BSPRY: variants seen among roughly 807,000 people sequenced by gnomAD.
BSPRY encodes the protein B-box and SPRY domain containing, also known as B box and SPRY domain-containing protein.
In BSPRY, 33 loss-of-function variants were observed where a neutral mutation model predicts 38.0. That is an observed-to-expected ratio of 0.87 (90% CI 0.66 to 1.16). The LOEUF is 1.16. Among genes scored for constraint, BSPRY ranks in the 50% most tolerant of loss-of-function variants. BSPRY has a pLI of 0.00. For missense variants in BSPRY, 523 were observed against 533.2 expected, an observed-to-expected ratio of 0.98 and a Z score of 0.19; for synonymous variants, 224 against 228.5, an observed-to-expected ratio of 0.98 and a Z score of 0.18.
chr9:113,369,656 C>A lies in BSPRY; in HGVS notation c.723C>A (p.Pro241=), dbSNP rs745687294. Residue 241 remains proline, a synonymous_variant, in exon 6 of 6, where the codon CCC becomes CCA. Transcript: ENST00000374183. Reference sequence around the variant, plus strand: ...GGATCGATGAGAGGACAGTCAGCCCCTTCCTGCAATTGTCAGATGATCGAA... The same window carrying A: ...GGATCGATGAGAGGACAGTCAGCCCATTCCTGCAATTGTCAGATGATCGAA... ...DIRIDERTVS[P]FLQLSDDRKT... is the part of the protein sequence containing the mutation. 5.1e-5 allele frequency: 83 copies of A among 1,614,040 alleles called. No homozygotes were observed. Among genetic ancestry groups the A allele is most frequent in the Non-Finnish European group, 6.7e-5 (79 of 1,180,022 alleles).
Position 113,370,263 on chromosome 9 carries a change from TG to T in BSPRY, c.*124del. ...TAAGAGAAACAGGGCCCATAACCAG[TG>T]GGCAGCTTTAGGAGGGATGGGGATC... On this transcript the variant is annotated 3_prime_UTR_variant, in exon 6 of 6. Transcript: ENST00000374183. This position sits in a 1 kb window ranked among gnomAD's most constrained non-coding sequence, Gnocchi z 4.8. The T allele has an allele frequency of 8.1e-7, 1 of 1,238,900 alleles. No homozygotes were observed. The highest frequency in any genetic ancestry group is 1.1e-6 in the Non-Finnish European group (1 of 903,996). The allele number at this position is 1,238,900 out of a possible 1,614,324, so 76.7% of individuals were successfully genotyped here. A position where few individuals can be genotyped will look rare whatever the true frequency, so the allele number is the denominator to read the frequency against.
intron 2 of BSPRY, among the ~76,000 whole-genome samples, chr9:113,357,437 A>G (rs1834077910): frequency 6.6e-6 from 1 of 152,016 alleles, no homozygotes; most frequent in South Asian, 2.1e-4. Context: ...AGCATTTTTT[A>G]TTTTTGTTTT....
chr9:113,355,614 TG>T (rs932909700), intron 2 of BSPRY, among the ~76,000 whole-genome samples: 35 of 138,620 alleles, frequency 2.5e-4, no homozygotes, highest in African/African-American at 1.0e-3. Context: ...TGGCAAATCC[TG>T]GCTTTTTTTT....
rs1314487348 is a variant in BSPRY, at chr9:113,349,616, G to A, written c.37G>A (p.Gly13Arg). ...AEGAEPGPGS[G>R]SGPGPGPLCP... ...GGGCGCGGAGCCGGGGCCGGGGTCC[G>A]GGTCCGGGCCCGGGCCGGGGCCACT... Residue 13 changes from glycine to arginine, a missense_variant, in exon 1 of 6, where the codon GGG (glycine) becomes AGG (arginine). Physicochemically the swap from Gly to Arg is moderately radical, Grantham distance 125 (BLOSUM62 -2). Transcript: ENST00000374183. 12 of 1,197,808 alleles carry A rather than the reference G, an allele frequency of 1.0e-5. No homozygotes were observed. The highest frequency in any genetic ancestry group is 1.2e-5 in the Non-Finnish European group (12 of 966,008). The allele number at this position is 1,197,808 out of a possible 1,614,324, so 74.2% of individuals were successfully genotyped here.
chr9:113,359,415 A>G (rs535382767), intron 2 of BSPRY, among the ~76,000 whole-genome samples: 1 of 152,290 alleles, frequency 6.6e-6, no homozygotes, highest in East Asian at 1.9e-4. Flanking sequence ...TGTAAGGCAA[A>G]CTGTGGGTCT....
chr9:113,354,458 GCTT>G (rs1834024251), intron 2 of BSPRY, 120 bp downstream of exon 2: 1 of 738,058 alleles, frequency 1.4e-6, no homozygotes, highest in Non-Finnish European at 2.3e-6. Context: ...TACTAGCAAA[GCTT>G]CTCATCCCTC....
At chr9:113,364,486 TC>T (rs1834212290) in intron 4 of BSPRY, among the ~76,000 whole-genome samples, 2 of 152,132 alleles carry the variant, frequency 1.3e-5, no homozygotes, top group South Asian at 4.1e-4. Context: ...ATCAAGCTGA[TC>T]TGATTTTTTA....
rs116447593 is a variant in BSPRY at position 113,350,003 on chromosome 9, C to G, written c.201+223C>G. Among the ~76,000 whole-genome samples the G allele has an allele frequency of 5.9e-3, 898 of 152,328 alleles. 10 individuals are homozygous for G. Among genetic ancestry groups the G allele is most frequent in the African/African-American group, 0.021 (855 of 41,584 alleles). On this transcript the variant is annotated intron_variant, in intron 1 of 5. Transcript: ENST00000374183. ...TCTACTCCCTGTGAGTCACGTAACTCTGAGCCTCAGTGTCTTCATCTGTAG... is the reference window on the plus strand; with the variant it reads ...TCTACTCCCTGTGAGTCACGTAACTGTGAGCCTCAGTGTCTTCATCTGTAG...
chr9:113,349,594 C>CGCGGAGCCGGGGCCGGGGT lies in BSPRY; in HGVS notation c.16_34dup (p.Ser12CysfsTer70). On this transcript the variant is annotated frameshift_variant, in exon 1 of 6. Coordinates refer to ENST00000374183, the MANE Select transcript of BSPRY (RefSeq NM_017688.3). LOFTEE classifies it high-confidence loss of function. The stretch of plus-strand genomic sequence containing the variant: ...GGCGCACGGCCATGTCCGCCGAGGG[C>CGCGGAGCCGGGGCCGGGGT]GCGGAGCCGGGGCCGGGGTCCGGGT... The CGCGGAGCCGGGGCCGGGGT allele has an allele frequency of 1.7e-6, 2 of 1,178,478 alleles. No individual in the cohort carries two copies. The highest frequency in any genetic ancestry group is 2.1e-6 in the Non-Finnish European group (2 of 954,380). The allele number at this position is 1,178,478 out of a possible 1,614,324, so 73.0% of individuals were successfully genotyped here. A position where few individuals can be genotyped will look rare whatever the true frequency, so the allele number is the denominator to read the frequency against.
intron 1 of BSPRY, among the ~76,000 whole-genome samples, chr9:113,350,955 G>A (rs1833960984): frequency 6.6e-6 from 1 of 152,180 alleles, no homozygotes; most frequent in African/African-American, 2.4e-5. Flanking sequence ...TTTTACAGAT[G>A]AGGCACTGGA....
At chr9:113,367,993 G>T (rs1032229407) in intron 4 of BSPRY, among the ~76,000 whole-genome samples, 3 of 152,024 alleles carry the variant, frequency 2.0e-5, no homozygotes, top group African/African-American at 7.3e-5. Context: ...ACCACACCCA[G>T]CTAATTTTTA....
chr9:113,354,331 G>A lies in BSPRY; in HGVS notation c.293G>A (p.Arg98Lys), dbSNP rs1482201705. The change falls in exon 2 of 6, where the codon AGA (arginine) becomes AAA (lysine). Residue 98 changes from arginine to lysine, a missense_variant. Physicochemically the swap from Arg to Lys is conservative, Grantham distance 26. Transcript: ENST00000374183. ...GACGTCCTGCCGGGGAAGAATCAAA[G>A]AGCAGTGGTAATTCCTCTTCTTTCC... ...VADVLPGKNQ[R>K]AVSMASAARE... 1.9e-6 allele frequency: 3 copies of A among 1,613,876 alleles called. No homozygotes were observed. Among genetic ancestry groups the A allele is most frequent in the Non-Finnish European group, 2.5e-6 (3 of 1,179,746 alleles).
intron 4 of BSPRY, among the ~76,000 whole-genome samples, chr9:113,368,025 C>G (rs1370348416): frequency 6.6e-6 from 1 of 151,970 alleles, no homozygotes; most frequent in Non-Finnish European, 1.5e-5. Flanking sequence ...GAGATGGAGT[C>G]TTATTATGTT....
rs568821408 is a variant in BSPRY, at chr9:113,350,568, C to T, written c.201+788C>T. On this transcript the variant is annotated intron_variant, in intron 1 of 5. Coordinates refer to ENST00000374183, the MANE Select transcript of BSPRY (RefSeq NM_017688.3). ...TTGGGAGAGTCGAAGTCACCTTGGG[C>T]TTCTCTGTGGCCCCTGGGGATTTCC... Among the ~76,000 whole-genome samples the T allele has an allele frequency of 1.2e-4, 18 of 152,242 alleles. No homozygotes were observed. In the South Asian group the frequency reaches 3.7e-3, roughly 32 times the overall value.
intron 5 of BSPRY, among the ~76,000 whole-genome samples, chr9:113,369,389 G>C (rs1377909258): frequency 6.6e-6 from 1 of 152,150 alleles, no homozygotes; most frequent in Non-Finnish European, 1.5e-5. Flanking sequence ...ACAGTTTATA[G>C]AGCACTTACA....
chr9:113,369,543 C>G, intron 5 of BSPRY, 73 bp from the exon 6 acceptor site: 1 of 1,488,948 alleles, frequency 6.7e-7, no homozygotes, highest in Non-Finnish European at 9.0e-7. Flanking sequence ...TGGTGAGGAA[C>G]CTTTTGCTAC....
chr9:113,354,406 G>A, intron 2 of BSPRY, 68 bp downstream of exon 2: 2 of 1,327,004 alleles, frequency 1.5e-6, no homozygotes, highest in South Asian at 2.4e-5. Flanking sequence ...AGGGACTTGG[G>A]CAAGTCTAGG....
At position 113,368,273 on chromosome 9, in the gene BSPRY, A is replaced by C; in HGVS notation, c.572A>C (p.Glu191Ala). 1 of 1,614,142 alleles carries C rather than the reference A, an allele frequency of 6.2e-7. No homozygotes were observed. The highest frequency in any genetic ancestry group is 8.5e-7 in the Non-Finnish European group (1 of 1,180,012). The change falls in exon 5 of 6, where the codon GAG becomes GCG. Residue 191 changes from glutamate (E) to alanine (A), a missense_variant. Transcript: ENST00000374183. ...QEIFERTEEAEGILDPQESEM... is the reference protein window; with the variant it reads ...QEIFERTEEAAGILDPQESEM... ...CCCCATATAAGGACCGAAGAAGCAG[A>C]GGGCATTTTGGATCCCCAGGAGTCG... is the stretch of plus-strand genomic sequence containing the variant.
Position 113,349,799 on chromosome 9 carries a change from CG to C in BSPRY, c.201+21del. The C allele has an allele frequency of 2.4e-6, 3 of 1,225,186 alleles. No individual in the cohort carries two copies. The South Asian group carries it at 1.1e-4, about 44-fold the overall frequency. 75.9% of individuals were successfully genotyped at this position (1,225,186 alleles called of 1,614,324 possible). A position where few individuals can be genotyped will look rare whatever the true frequency, so the allele number is the denominator to read the frequency against. Reference sequence around the variant, plus strand: ...GCTGCGGGTGAGCGGGTGTGGGCGCCGGAAGGCGAGGGCTCCGGAGACCCCG... The same window carrying C: ...GCTGCGGGTGAGCGGGTGTGGGCGCCGAAGGCGAGGGCTCCGGAGACCCCG... On this transcript the variant is annotated intron_variant, in intron 1 of 5. Coordinates refer to ENST00000374183, the MANE Select transcript of BSPRY (RefSeq NM_017688.3).
Sources: allele counts gnomAD v4.1 joint callset (sites outside exome capture counted in the v4.1 genomes callset), GRCh38; gene constraint gnomAD v4.1.1; non-coding constraint Gnocchi (gnomAD v3.1); transcripts MANE v1.5; gene names NCBI Gene and HGNC (gene_info 2026-07-23, HGNC 2026-07-21).